Variants in RBFOX1 observed in about 807,000 individuals in gnomAD.
RBFOX1 encodes RNA binding fox-1 homolog 1.
RBFOX1 carries 8 observed loss-of-function variants against 57.7 expected under a neutral mutation model. That is an observed-to-expected ratio of 0.14 (90% CI 0.08 to 0.25). RBFOX1 has a LOEUF of 0.25. Ranked by LOEUF, RBFOX1 falls within the 10% of genes least tolerant of loss-of-function variation. The pLI, the probability that RBFOX1 is intolerant of heterozygous loss-of-function variation, is 1.00. For missense variants in RBFOX1, 611 were observed against 548.5 expected (o/e 1.11, Z -1.14); for synonymous variants, 326 against 222.4 (o/e 1.47, Z -4.15).
At chr16:7,530,282 C>G (rs2079713947) in intron 5 of RBFOX1, among the ~76,000 whole-genome samples, 3 of 152,120 alleles carry the variant, frequency 2.0e-5, no homozygotes, top group Admixed American at 2.0e-4. Flanking sequence ...GTACCATGCC[C>G]TTCCTCTGTC....
intron 4 of RBFOX1, among the ~76,000 whole-genome samples, chr16:7,298,290 T>G (rs1018443765): frequency 6.9e-5 from 10 of 145,138 alleles, no homozygotes; most frequent in South Asian, 2.2e-4. Flanking sequence ...TTTTTGTTTT[T>G]TTTTTTTTTT....
intron 1 of RBFOX1, among the ~76,000 whole-genome samples, chr16:6,178,408 C>T (rs1023730226): frequency 2.0e-5 from 3 of 151,996 alleles, no homozygotes; most frequent in African/African-American, 7.2e-5. Flanking sequence ...TGGACTCAAA[C>T]TCCTGACCTC....
chr16:7,417,421 TC>T (rs2098491386), intron 4 of RBFOX1, among the ~76,000 whole-genome samples: 1 of 150,224 alleles, frequency 6.7e-6, no homozygotes, highest in Non-Finnish European at 1.5e-5. Context: ...TCCCCCAGTT[TC>T]CCCAGTGGTA....
At chr16:7,047,979 A>G (rs1339020448) in intron 3 of RBFOX1, among the ~76,000 whole-genome samples, 2 of 151,570 alleles carry the variant, frequency 1.3e-5, no homozygotes, top group Non-Finnish European at 1.5e-5. Context: ...GCCGGGTTCA[A>G]GCGATTCTCC....
At position 5,830,069 on chromosome 16, in the gene RBFOX1, C is replaced by T. The variant is rs532220432; in HGVS notation, c.319-37234C>T. Among the ~76,000 whole-genome samples the T allele has an allele frequency of 1.3e-3, 202 of 152,296 alleles. 1 individual carries two copies. Among genetic ancestry groups the T allele is most frequent in the African/African-American group, 4.5e-3 (187 of 41,566 alleles). ...GTAGGGTTTTTAAAACACCACACTGCCACTTTTCTTCAGGCTAGGATTGTC... is the reference window on the plus strand; with the variant it reads ...GTAGGGTTTTTAAAACACCACACTGTCACTTTTCTTCAGGCTAGGATTGTC... On this transcript the variant is annotated intron_variant, in intron 3 of 19. Coordinates refer to the RBFOX1 transcript ENST00000641259.
intron 3 of RBFOX1, among the ~76,000 whole-genome samples, chr16:6,808,666 A>G (rs910653378): frequency 6.6e-6 from 1 of 152,174 alleles, no homozygotes; most frequent in African/African-American, 2.4e-5. Flanking sequence ...TTTACCAGGC[A>G]GAAAAATGGT....
intron 9 of RBFOX1, among the ~76,000 whole-genome samples, chr16:7,598,405 TAAA>T (rs1293980227): frequency 6.6e-6 from 1 of 152,144 alleles, no homozygotes; most frequent in East Asian, 1.9e-4. Flanking sequence ...TTCAGGTTCA[TAAA>T]AATAATATAA....
chr16:5,884,611 C>A (rs577505496), intron 4 of RBFOX1, among the ~76,000 whole-genome samples: 1 of 152,228 alleles, frequency 6.6e-6, no homozygotes, highest in East Asian at 1.9e-4. Context: ...AGCCATAAGC[C>A]TTTCCCGTGG....
intron 4 of RBFOX1, among the ~76,000 whole-genome samples, chr16:7,258,532 A>C (rs1257913151): frequency 6.6e-6 from 1 of 152,180 alleles, no homozygotes; most frequent in African/African-American, 2.4e-5. Context: ...ATTGTTGTAC[A>C]TGCACGTAAA....
At chr16:6,142,134 T>TA (rs199583730) in intron 1 of RBFOX1, among the ~76,000 whole-genome samples, 4,028 of 116,238 alleles carry the variant, frequency 0.035, 233 homozygotes, top group African/African-American at 0.12. Flanking sequence ...TTAATTTCTC[T>TA]AAAAAATCAG....
At chr16:7,549,678 A>C (rs780026533) in intron 5 of RBFOX1, among the ~76,000 whole-genome samples, 5 of 152,124 alleles carry the variant, frequency 3.3e-5, no homozygotes, top group Non-Finnish European at 5.9e-5. Flanking sequence ...CATGGGAGAA[A>C]GATGTAAGCC....
chr16:6,846,160 A>C (rs116883075), intron 3 of RBFOX1, among the ~76,000 whole-genome samples: 1 of 152,194 alleles, frequency 6.6e-6, no homozygotes, highest in African/African-American at 2.4e-5. Flanking sequence ...AGAGCTGCTT[A>C]CACGGTGGCC....
At chr16:5,979,131 C>T (rs919983193) in intron 4 of RBFOX1, among the ~76,000 whole-genome samples, 2 of 152,170 alleles carry the variant, frequency 1.3e-5, no homozygotes, top group African/African-American at 2.4e-5. Context: ...AAATGATTGG[C>T]ATGAAAGCTT....
chr16:5,734,579 C>G (rs1209260383), intron 3 of RBFOX1, among the ~76,000 whole-genome samples: 2 of 152,172 alleles, frequency 1.3e-5, no homozygotes, highest in Non-Finnish European at 2.9e-5. Context: ...GTTTGATCCT[C>G]CAATGAATTG....
intron 1 of RBFOX1, among the ~76,000 whole-genome samples, chr16:6,144,444 C>G (rs1434714555): frequency 1.3e-5 from 2 of 152,134 alleles, no homozygotes; most frequent in African/African-American, 4.8e-5. Flanking sequence ...ATAATGAAAA[C>G]CTCATTCAGT....
chr16:7,351,738 G>C (rs566482217), intron 4 of RBFOX1, among the ~76,000 whole-genome samples: 1 of 152,246 alleles, frequency 6.6e-6, no homozygotes, highest in East Asian at 1.9e-4. Flanking sequence ...TGTCCACAGG[G>C]AGCAGCTGAC....
chr16:6,049,072 T>TTTC (rs1349678624), intron 1 of RBFOX1, among the ~76,000 whole-genome samples: 4 of 149,276 alleles, frequency 2.7e-5, no homozygotes, highest in African/African-American at 9.9e-5. Context: ...TTTTTTTTTT[T>TTTC]TTCCTTTTTT....
intron 3 of RBFOX1, among the ~76,000 whole-genome samples, chr16:6,862,944 C>A (rs1362312945): frequency 1.3e-5 from 2 of 150,824 alleles, no homozygotes; most frequent in Non-Finnish European, 2.9e-5. Flanking sequence ...GAGATCACGG[C>A]ACTGCACTCC....
chr16:7,116,082 G>A (rs554665281), intron 4 of RBFOX1, among the ~76,000 whole-genome samples: 43 of 152,192 alleles, frequency 2.8e-4, no homozygotes, highest in African/African-American at 8.7e-4. Flanking sequence ...AGTGGGTACC[G>A]ATCAGTACCC....
Sources: allele counts gnomAD v4.1 joint callset (sites outside exome capture counted in the v4.1 genomes callset), GRCh38; gene constraint gnomAD v4.1.1; transcripts MANE v1.5; gene names NCBI Gene and HGNC (gene_info 2026-07-23, HGNC 2026-07-21).